Variants in NIN observed in about 807,000 individuals in gnomAD.
NIN encodes ninein.
NIN carries 137 observed loss-of-function variants against 257.6 expected under a neutral mutation model. The observed-to-expected ratio is 0.53, with a 90% CI of 0.46 to 0.61. The LOEUF is 0.61. Among genes scored for constraint, NIN ranks in the 20% least tolerant of loss-of-function variants. The probability of loss-of-function intolerance (pLI) is 0.00; values close to 1 mark genes in which losing one functional copy is unlikely to be tolerated. For missense variants in NIN, 2,439 were observed against 2,501.2 expected (o/e 0.98, Z 0.53); for synonymous variants, 918 against 919.8 (o/e 1.00, Z 0.04).
At chr14:50,813,795 T>G (rs1445548180) in intron 3 of NIN, among the ~76,000 whole-genome samples, 2 of 152,234 alleles carry the variant, frequency 1.3e-5, no homozygotes, top group Non-Finnish European at 2.9e-5. Context: ...GGTGAGTTTA[T>G]GAAACAAGAC....
chr14:50,820,565 T>C (rs1032898164), intron 3 of NIN, among the ~76,000 whole-genome samples: 5 of 152,178 alleles, frequency 3.3e-5, no homozygotes, highest in Non-Finnish European at 7.4e-5. Flanking sequence ...CCACAGAGTC[T>C]AAGACTGAGG....
At chr14:50,774,620 A>G (rs2042852246) in intron 7 of NIN, among the ~76,000 whole-genome samples, 1 of 152,228 alleles carries the variant, frequency 6.6e-6, no homozygotes, top group African/African-American at 2.4e-5. Flanking sequence ...CAAGGCTTTC[A>G]GGACCTTTGT....
At chr14:50,726,618 C>G (rs1413528687) in intron 29 of NIN, among the ~76,000 whole-genome samples, 1 of 152,156 alleles carries the variant, frequency 6.6e-6, no homozygotes, top group Non-Finnish European at 1.5e-5. Flanking sequence ...CTGTTTCCCA[C>G]TTGTAAATGT....
chr14:50,759,477 G>A (rs1438485273), intron 17 of NIN, among the ~76,000 whole-genome samples: 1 of 149,576 alleles, frequency 6.7e-6, no homozygotes, highest in Non-Finnish European at 1.5e-5. Flanking sequence ...ACTTCTTCAA[G>A]TCTCTTAAGC....
rs116721449 is a variant in NIN, at chr14:50,747,437, T to C, written c.5064+555A>G. On this transcript the variant is annotated intron_variant, in intron 22 of 30. Transcript: ENST00000530997. ...AGTGGTTGGGATTCATTTATGATAA[T>C]AGAATTTTAGAGTGGGCCGGATGCA... 8.1e-3 allele frequency among the ~76,000 whole-genome samples: 1,229 copies of C among 152,298 alleles called. 19 individuals carry two copies. The highest frequency in any genetic ancestry group is 0.027 in the African/African-American group (1,142 of 41,554).
intron 28 of NIN, 131 bp from the exon 29 acceptor site, chr14:50,729,854 CAG>C (rs2040602827): frequency 7.8e-6 from 5 of 640,582 alleles, no homozygotes; most frequent in Non-Finnish European, 1.3e-5. Flanking sequence ...AACTTGGAAA[CAG>C]GACAGCATAT....
At chr14:50,829,018 T>G (rs2045583855) in intron 2 of NIN, among the ~76,000 whole-genome samples, 1 of 152,222 alleles carries the variant, frequency 6.6e-6, no homozygotes, top group South Asian at 2.1e-4. Flanking sequence ...CCTTTCCCTG[T>G]ATTGGTAATA....
intron 3 of NIN, among the ~76,000 whole-genome samples, chr14:50,812,759 T>C (rs1046887888): frequency 1.3e-5 from 2 of 152,352 alleles, no homozygotes; most frequent in South Asian, 2.1e-4. Context: ...AATTTATTTA[T>C]GATGTAGTAA....
chr14:50,819,436 T>G (rs1040102706), intron 3 of NIN, among the ~76,000 whole-genome samples: 3 of 152,150 alleles, frequency 2.0e-5, no homozygotes, highest in South Asian at 2.1e-4. Flanking sequence ...TCTCACGAGA[T>G]CTGATGGTTT....
At chr14:50,811,544 CTTTTTTTTTT>C (rs55734117) in intron 3 of NIN, among the ~76,000 whole-genome samples, 5 of 75,272 alleles carry the variant, frequency 6.6e-5, no homozygotes, top group Non-Finnish European at 9.7e-5. Context: ...AATGGTCAAG[CTTTTTTTTTT>C]TTTTTTTTTT....
At chr14:50,795,662 T>C (rs1330110453) in intron 4 of NIN, among the ~76,000 whole-genome samples, 1 of 152,220 alleles carries the variant, frequency 6.6e-6, no homozygotes, top group African/African-American at 2.4e-5. Flanking sequence ...TCTGGAATAA[T>C]CTTATCTATG....
At chr14:50,731,014 A>C (rs1304831233) in intron 28 of NIN, 1 of 1,136,180 alleles carries the variant, frequency 8.8e-7, no homozygotes, top group Non-Finnish European at 1.2e-6. Flanking sequence ...GACAAGACAA[A>C]AAGAAGAGAA....
chr14:50,787,264 AGTGGTCCT>A lies in NIN; in HGVS notation c.435+5440_435+5447del, dbSNP rs1187399532. On this transcript the variant is annotated intron_variant, in intron 5 of 30. Coordinates refer to ENST00000530997, the MANE Select transcript of NIN (RefSeq NM_020921.4). ...TGTTTTCAACCAGGGCAGAAAGCAA[AGTGGTCCT>A]GCCCCAATTGTATTAATTGCACAAC... Among the ~76,000 whole-genome samples, 77 of 152,246 alleles carry A rather than the reference AGTGGTCCT, an allele frequency of 5.1e-4. 1 individual carries two copies. The highest frequency in any genetic ancestry group is 4.4e-5 in the Non-Finnish European group (3 of 68,040).
At position 50,726,061 on chromosome 14, in the gene NIN, G is replaced by A; in HGVS notation, c.6084C>T (p.Asn2028=). The change falls in exon 30 of 31, where the codon AAC becomes AAT. Residue 2028 remains asparagine (N), a synonymous_variant. Transcript: ENST00000530997. ...CCATGACAGTTACCAGTTGTTCCTG[G>A]TTTCCCTGAAGGGAAGAAAAGTATA... is the stretch of plus-strand genomic sequence containing the variant. The part of the protein sequence containing the change: ...RTSETNTPQG[N]QEQLVTVMEE... 6.2e-7 allele frequency: 1 copy of A among 1,611,492 alleles called. No homozygotes were observed. The highest frequency in any genetic ancestry group is 2.2e-5 in the East Asian group (1 of 44,822).
intron 22 of NIN, among the ~76,000 whole-genome samples, chr14:50,745,325 T>C (rs7146076): frequency 0.067 from 10,143 of 152,198 alleles, 1,123 homozygotes; most frequent in African/African-American, 0.23. Flanking sequence ...GCCCAGACAT[T>C]GATAAATGTT....
At chr14:50,730,067 C>CT (rs33973579) in intron 28 of NIN, among the ~76,000 whole-genome samples, 2 of 151,924 alleles carry the variant, frequency 1.3e-5, no homozygotes, top group Non-Finnish European at 2.9e-5. Flanking sequence ...CTTTTAAAAA[C>CT]GGGTTGGAGA....
Position 50,739,361 on chromosome 14 carries a change from G to A in NIN, c.5575C>T (p.Leu1859Phe). 2 of 1,614,232 alleles carry A rather than the reference G, an allele frequency of 1.2e-6. No individual in the cohort carries two copies. Among genetic ancestry groups the A allele is most frequent in the Non-Finnish European group, 1.7e-6 (2 of 1,180,040 alleles). Reference sequence around the variant, plus strand: ...TTGGTGTTCTGTACCATGGTCTGGAGCCTCTCATTCTCTTGCCAAAGCAGC... The same window carrying A: ...TTGGTGTTCTGTACCATGGTCTGGAACCTCTCATTCTCTTGCCAAAGCAGC... ...QQLLWQENERLQTMVQNTKAE... is the reference protein window; with the variant it reads ...QQLLWQENERFQTMVQNTKAE... The change falls in exon 26 of 31, where the codon CTC becomes TTC. Residue 1859 changes from leucine to phenylalanine, a missense_variant. Coordinates refer to ENST00000530997, the MANE Select transcript of NIN (RefSeq NM_020921.4).
rs552757963 is a variant in NIN at position 50,822,933 on chromosome 14, C to T, written c.-21-856G>A. Among the ~76,000 whole-genome samples the T allele has an allele frequency of 2.0e-5, 3 of 152,278 alleles. No homozygotes were observed. The South Asian group carries it at 6.2e-4, about 32-fold the overall frequency. ...GAGCCACTGACTGGTTTATATGAATCATACAGCATCTCAGGGAACCTCCAC... is the reference window on the plus strand; with the variant it reads ...GAGCCACTGACTGGTTTATATGAATTATACAGCATCTCAGGGAACCTCCAC... On this transcript the variant is annotated intron_variant, in intron 2 of 30. Transcript: ENST00000530997.
chr14:50,737,505 A>C (rs1308486262), intron 27 of NIN, among the ~76,000 whole-genome samples: 2 of 146,426 alleles, frequency 1.4e-5, no homozygotes, highest in Non-Finnish European at 3.0e-5. Context: ...CAAAAAAAAA[A>C]AAAAAAAAAA....
Sources: allele counts gnomAD v4.1 joint callset (sites outside exome capture counted in the v4.1 genomes callset), GRCh38; gene constraint gnomAD v4.1.1; transcripts MANE v1.5; gene names NCBI Gene and HGNC (gene_info 2026-07-23, HGNC 2026-07-21).